GCC2: variants seen among roughly 807,000 people sequenced by gnomAD.
GCC2 encodes GRIP and coiled-coil domain containing 2.
In GCC2, 120 loss-of-function variants were observed where a neutral mutation model predicts 210.6. The observed-to-expected ratio is 0.57, with a 90% CI of 0.49 to 0.66. The LOEUF (loss-of-function observed/expected upper bound fraction) is 0.66, where lower values mean the gene tolerates loss of function less well. Among genes scored for constraint, GCC2 ranks in the 30% least tolerant of loss-of-function variants. The pLI, the probability that GCC2 is intolerant of heterozygous loss-of-function variation, is 0.00. For synonymous variants in GCC2, 703 were observed against 652.7 expected, an observed-to-expected ratio of 1.08 and a Z score of -1.17; for missense variants, 1,868 against 1,871.9, an observed-to-expected ratio of 1.00 and a Z score of 0.04.
chr2:108,456,950 A>T (rs1026128361), intron 4 of GCC2, among the ~76,000 whole-genome samples: 2 of 54,330 alleles, frequency 3.7e-5, no homozygotes, highest in Non-Finnish European at 9.5e-5. Context: ...CCCTTACATA[A>T]AAAAAAAAAA....
Position 108,471,836 on chromosome 2 carries a change from A to G in GCC2, c.2507A>G (p.Tyr836Cys), listed in dbSNP as rs749153398. Residue 836 changes from tyrosine to cysteine, a missense_variant, in exon 6 of 23, where the codon TAT becomes TGT. By Grantham distance (194) the Tyr-to-Cys change is radical (BLOSUM62 -2). Transcript: ENST00000309863. ...GAACTTAAGTCTTTATTGAGAGACT[A>G]TGAGCAAGAGAAAGTTCTCTTAAGG... ...CEELKSLLRDYEQEKVLLRKE... is the reference protein window; with the variant it reads ...CEELKSLLRDCEQEKVLLRKE... The G allele has an allele frequency of 5.0e-6, 8 of 1,613,440 alleles. No individual in the cohort carries two copies. The highest frequency in any genetic ancestry group is 2.2e-5 in the South Asian group (2 of 91,010).
chr2:108,493,761 A>G (rs1682516527), intron 19 of GCC2: 1 of 985,326 alleles, frequency 1.0e-6, no homozygotes, highest in Non-Finnish European at 1.2e-6. Context: ...GCAACTTCAG[A>G]AGAATTTAAC....
intron 16 of GCC2, among the ~76,000 whole-genome samples, chr2:108,487,276 G>T (rs1465973502): frequency 2.0e-5 from 3 of 152,138 alleles, no homozygotes; most frequent in Non-Finnish European, 4.4e-5. Flanking sequence ...TAAAATGTAT[G>T]GTTAGTAAAT....
chr2:108,496,869 A>G (rs1214692971), intron 20 of GCC2, 101 bp from the exon 21 acceptor site: 2 of 1,518,828 alleles, frequency 1.3e-6, no homozygotes, highest in African/African-American at 1.4e-5. Context: ...GACCTATAAA[A>G]TATCACATAG....
chr2:108,452,660 A>G (rs1255873529), intron 4 of GCC2, among the ~76,000 whole-genome samples, 194 bp downstream of exon 4: 1 of 117,876 alleles, frequency 8.5e-6, no homozygotes, highest in African/African-American at 3.3e-5. Flanking sequence ...TTATTATTCT[A>G]CTCTCTTCCC....
intron 17 of GCC2, 80 bp downstream of exon 17, chr2:108,487,900 ATTTTTTTT>A (rs1008834430): frequency 4.6e-6 from 3 of 647,630 alleles, no homozygotes; most frequent in Non-Finnish European, 6.6e-6. Context: ...TCCTATTATG[ATTTTTTTT>A]TTTTTTTTTT....
intron 9 of GCC2, among the ~76,000 whole-genome samples, chr2:108,477,396 T>C: frequency 6.6e-6 from 1 of 152,304 alleles, no homozygotes; most frequent in Non-Finnish European, 1.5e-5. Flanking sequence ...ACTTTACAAG[T>C]GAGGACTCTG....
At chr2:108,476,814 T>C (rs930759593) in intron 9 of GCC2, among the ~76,000 whole-genome samples, 3 of 151,890 alleles carry the variant, frequency 2.0e-5, no homozygotes, top group African/African-American at 7.3e-5. Flanking sequence ...AAAATCCCAA[T>C]GGCAATAACA....
At chr2:108,449,856 C>G in intron 2 of GCC2, 167 bp downstream of exon 2, 1 of 594,584 alleles carries the variant, frequency 1.7e-6, no homozygotes, top group South Asian at 2.0e-5. Context: ...GTTTCTCCCC[C>G]GCCCACCCCG....
chr2:108,465,413 T>C (rs1680827873), intron 4 of GCC2, among the ~76,000 whole-genome samples: 1 of 152,186 alleles, frequency 6.6e-6, no homozygotes, highest in Admixed American at 6.5e-5. Context: ...GGATGAATTA[T>C]ATAGTGGTGA....
At chr2:108,491,676 A>T in intron 18 of GCC2, among the ~76,000 whole-genome samples, 1 of 152,152 alleles carries the variant, frequency 6.6e-6, no homozygotes, top group African/African-American at 2.4e-5. Context: ...GAGAGTAATT[A>T]ATAAGGGGCT....
intron 18 of GCC2, among the ~76,000 whole-genome samples, chr2:108,490,293 A>G (rs1354905759): frequency 1.3e-5 from 2 of 152,224 alleles, no homozygotes; most frequent in Non-Finnish European, 2.9e-5. Context: ...AAACAAACAA[A>G]AACATACTAC....
intron 3 of GCC2, 101 bp downstream of exon 3, chr2:108,451,213 C>CAGTG: frequency 1.4e-6 from 1 of 696,106 alleles, no homozygotes; most frequent in Non-Finnish European, 2.5e-6. Context: ...GTTTGTTTTC[C>CAGTG]AGTGATTCCA....
intron 3 of GCC2, 35 bp from the exon 4 acceptor site, chr2:108,452,364 T>C (rs775492120): frequency 3.3e-5 from 36 of 1,083,894 alleles, no homozygotes; most frequent in Middle Eastern, 2.1e-4. Flanking sequence ...GTTCTTTATT[T>C]CTGAACCGGA....
chr2:108,507,114 G>T (rs1683230346), intron 22 of GCC2, among the ~76,000 whole-genome samples: 1 of 152,092 alleles, frequency 6.6e-6, no homozygotes. Context: ...ATGACATATG[G>T]ATGGGTACAG....
At chr2:108,452,616 G>A in intron 4 of GCC2, 150 bp downstream of exon 4, 1 of 613,646 alleles carries the variant, frequency 1.6e-6, no homozygotes, top group Non-Finnish European at 3.0e-6. Flanking sequence ...AAAAGAGGGG[G>A]TTAATGACCT....
rs1558737822 is a variant in GCC2 at position 108,469,092 on chromosome 2, A to G, written c.321+8A>G. On this transcript the variant is annotated splice_region_variant and intron_variant, in intron 5 of 22. Coordinates refer to ENST00000309863, the MANE Select transcript of GCC2 (RefSeq NM_181453.4). ...ATGAAGCAAGAGGTTGAGGTAAGTC[A>G]ATATTTTAGTGTTCTTTTCTTTTTT... is the stretch of plus-strand genomic sequence containing the variant. 2 of 1,496,910 alleles carry G rather than the reference A, an allele frequency of 1.3e-6. No homozygotes were observed. The highest frequency in any genetic ancestry group is 1.9e-6 in the Non-Finnish European group (2 of 1,074,106). 92.7% of individuals were successfully genotyped at this position (1,496,910 alleles called of 1,614,324 possible).
intron 2 of GCC2, 44 bp downstream of exon 2, chr2:108,449,733 G>C (rs1679811562): frequency 1.3e-6 from 2 of 1,525,020 alleles, no homozygotes; most frequent in Non-Finnish European, 1.8e-6. Context: ...AGAGTGGAAG[G>C]GTGATGAATT....
chr2:108,450,983 G>C (rs368511046), intron 2 of GCC2, 45 bp from the exon 3 acceptor site: 2 of 1,220,390 alleles, frequency 1.6e-6, no homozygotes, highest in South Asian at 2.5e-5. Flanking sequence ...TGGTATACTA[G>C]AAACATGAGT....
Sources: gnomAD v4.1 joint callset for allele counts (sites outside exome capture counted in the v4.1 genomes callset) on GRCh38, gnomAD v4.1.1 for gene constraint, MANE v1.5 for transcripts, NCBI Gene and HGNC (gene_info 2026-07-23, HGNC 2026-07-21) for gene names.